The following MTMR3 variants were observed in gnomAD, a reference collection of about 807,000 sequenced individuals.
MTMR3 encodes phosphatidylinositol-3,5-bisphosphate 3-phosphatase MTMR3.
A neutral mutation model predicts 132.4 loss-of-function variants in MTMR3; 32 were observed. That is an observed-to-expected ratio of 0.24 (90% confidence interval 0.18 to 0.32). The LOEUF (loss-of-function observed/expected upper bound fraction) is 0.32, where lower values mean the gene tolerates loss of function less well. MTMR3 is among the 10% of genes least tolerant of loss of function. The pLI, the probability that MTMR3 is intolerant of heterozygous loss-of-function variation, is 1.00. For synonymous variants in MTMR3, 556 were observed against 550.3 expected (o/e 1.01, Z -0.14); for missense variants, 1,216 against 1,489.6 (o/e 0.82, Z 3.02).
chr22:30,021,685 T>C (rs982156871), intron 17 of MTMR3: 87 of 247,720 alleles, frequency 3.5e-4, no homozygotes, highest in Admixed American at 1.0e-4. Context: ...AGCTTTAACT[T>C]AGTGGCAGGC....
intron 2 of MTMR3, among the ~76,000 whole-genome samples, chr22:29,963,101 T>TA (rs2066345061): frequency 6.6e-6 from 1 of 151,676 alleles, no homozygotes; most frequent in African/African-American, 2.4e-5. Context: ...TTGTATTTTT[T>TA]ATCTTTTTTT....
chr22:29,955,927 T>C (rs1179549955), intron 1 of MTMR3, among the ~76,000 whole-genome samples: 2 of 151,988 alleles, frequency 1.3e-5, no homozygotes, highest in African/African-American at 4.8e-5. Context: ...AATTTTTGTA[T>C]TTTTAGTAGA....
intron 19 of MTMR3, chr22:30,023,292 T>C (rs1380029865): frequency 1.3e-5 from 9 of 685,930 alleles, no homozygotes; most frequent in African/African-American, 8.8e-5. Flanking sequence ...AGGAAGTTTA[T>C]CTGAATCATG....
rs192459930 is a variant in MTMR3, at chr22:29,885,871, G to C, written c.-138+2512G>C. On this transcript the variant is annotated intron_variant, in intron 1 of 19. Transcript: ENST00000401950. Reference sequence around the variant, plus strand: ...CCAAAGGAAGTATTCGTGTTTTAGAGGGGGGTGTGGTGAAGGTTCTTACAA... The same window carrying C: ...CCAAAGGAAGTATTCGTGTTTTAGACGGGGGTGTGGTGAAGGTTCTTACAA... Among the ~76,000 whole-genome samples, 5 of 152,322 alleles carry C rather than the reference G, an allele frequency of 3.3e-5. No homozygotes were observed. The South Asian group carries it at 6.2e-4, about 19-fold the overall frequency.
intron 11 of MTMR3, chr22:30,008,738 A>T (rs2067334243): frequency 3.1e-6 from 1 of 318,490 alleles, no homozygotes; most frequent in African/African-American, 2.2e-5. Context: ...GTGAGATCGA[A>T]GTAGGCCTTT....
intron 1 of MTMR3, among the ~76,000 whole-genome samples, chr22:29,927,837 C>T (rs553361306): frequency 5.3e-5 from 8 of 151,824 alleles, no homozygotes; most frequent in Non-Finnish European, 8.8e-5. Flanking sequence ...TGAAGAAATG[C>T]TCCTTTTAAA....
intron 1 of MTMR3, among the ~76,000 whole-genome samples, chr22:29,915,314 T>C (rs989743021): frequency 3.4e-4 from 52 of 152,236 alleles, no homozygotes; most frequent in African/African-American, 1.2e-3. Context: ...CATAATTTTT[T>C]CCCATCCTTT....
intron 2 of MTMR3, among the ~76,000 whole-genome samples, chr22:29,970,330 G>C (rs1406762925): frequency 2.0e-5 from 3 of 151,892 alleles, no homozygotes; most frequent in Non-Finnish European, 2.9e-5. Flanking sequence ...TGCATTTGCA[G>C]GTTGATGTTA....
At position 30,016,601 on chromosome 22, in the gene MTMR3, A is replaced by G. The variant is rs912146302; in HGVS notation, c.1577A>G (p.Glu526Gly). 2 of 1,614,054 alleles carry G rather than the reference A, an allele frequency of 1.2e-6. No homozygotes were observed. The highest frequency in any genetic ancestry group is 1.7e-6 in the Non-Finnish European group (2 of 1,180,040). The change falls in exon 15 of 20, where the codon GAA becomes GGA. Residue 526 changes from glutamate (E) to glycine (G), a missense_variant. By Grantham distance (98) the Glu-to-Gly change is moderately conservative. Transcript: ENST00000401950. ...TGCAACAACGCCAAGGAGAGAGGGGAAAAGCATACTCAGGAACGGACATGT... is the reference window on the plus strand; with the variant it reads ...TGCAACAACGCCAAGGAGAGAGGGGGAAAGCATACTCAGGAACGGACATGT... ...FLCNNAKERG[E>G]KHTQERTCSV...
chr22:29,924,861 G>A (rs185221942), intron 1 of MTMR3, among the ~76,000 whole-genome samples: 1 of 152,126 alleles, frequency 6.6e-6, no homozygotes, highest in Admixed American at 6.5e-5. Context: ...CTTGTTCATT[G>A]TTAGTGTATA....
At chr22:30,009,724 T>C (rs1464688852) in intron 12 of MTMR3, 1 of 152,264 alleles carries the variant, frequency 6.6e-6, no homozygotes, top group Non-Finnish European at 1.5e-5. Flanking sequence ...CCTCCAAGGG[T>C]ACTGATTGAA....
chr22:29,978,372 A>G, intron 3 of MTMR3, 70 bp from the exon 4 acceptor site: 1 of 1,164,534 alleles, frequency 8.6e-7, no homozygotes, highest in Non-Finnish European at 1.3e-6. Context: ...ATGCTAGCAG[A>G]TATGGCAGAA....
intron 1 of MTMR3, among the ~76,000 whole-genome samples, chr22:29,914,459 A>T (rs950022869): frequency 5.3e-5 from 8 of 152,126 alleles, no homozygotes; most frequent in Admixed American, 5.2e-4. Context: ...GTTTATTGTG[A>T]GTTCATAATG....
At chr22:29,920,391 A>G (rs540023673) in intron 1 of MTMR3, among the ~76,000 whole-genome samples, 1 of 152,268 alleles carries the variant, frequency 6.6e-6, no homozygotes, top group East Asian at 1.9e-4. Context: ...TACAGAACAC[A>G]TTTTGCTGGA....
At chr22:30,025,556 G>A (rs1241721089) in intron 19 of MTMR3, 74 bp from the exon 20 acceptor site, 5 of 1,506,992 alleles carry the variant, frequency 3.3e-6, no homozygotes, top group South Asian at 2.3e-5. Context: ...GGCAAAGTTT[G>A]TCTTTTGAAG....
intron 1 of MTMR3, among the ~76,000 whole-genome samples, chr22:29,896,358 A>G (rs73396811): frequency 0.033 from 4,964 of 152,240 alleles, 285 homozygotes; most frequent in African/African-American, 0.11. Context: ...GTTGGCTTCA[A>G]TTGCCTGCCA....
At chr22:29,917,290 C>T (rs1482789337) in intron 1 of MTMR3, among the ~76,000 whole-genome samples, 1 of 152,076 alleles carries the variant, frequency 6.6e-6, no homozygotes, top group Non-Finnish European at 1.5e-5. Context: ...AATATTAACC[C>T]CTTCACCTCC....
chr22:29,972,303 T>G (rs1217091047), intron 3 of MTMR3, among the ~76,000 whole-genome samples: 1 of 152,146 alleles, frequency 6.6e-6, no homozygotes, highest in African/African-American at 2.4e-5. Context: ...GGTTTGTCCT[T>G]CATTGTATAC....
chr22:29,979,123 A>G, intron 5 of MTMR3, 71 bp downstream of exon 5: 2 of 1,003,162 alleles, frequency 2.0e-6, no homozygotes, highest in Non-Finnish European at 3.2e-6. Flanking sequence ...AATGCTCTCA[A>G]AGAGAGGAGA....
Sources: allele counts gnomAD v4.1 joint callset (sites outside exome capture counted in the v4.1 genomes callset), GRCh38; gene constraint gnomAD v4.1.1; transcripts MANE v1.5; gene names NCBI Gene and HGNC (gene_info 2026-07-23, HGNC 2026-07-21).